KIAA1549L: variants seen among roughly 807,000 people sequenced by gnomAD.
The protein encoded by KIAA1549L is UPF0606 protein KIAA1549L.
Under a neutral mutation model 160.7 loss-of-function variants are expected in KIAA1549L, and 88 were observed. The observed-to-expected ratio is 0.55, with a 90% CI of 0.46 to 0.65. KIAA1549L has a LOEUF of 0.65. Ranked by LOEUF, KIAA1549L falls within the 30% of genes least tolerant of loss-of-function variation. The probability of loss-of-function intolerance (pLI) is 0.00; values close to 1 mark genes in which losing one functional copy is unlikely to be tolerated. For missense variants in KIAA1549L, 2,258 were observed against 2,437.5 expected (o/e 0.93, Z 1.55); for synonymous variants, 950 against 976.7 (o/e 0.97, Z 0.51).
intron 12 of KIAA1549L, among the ~76,000 whole-genome samples, chr11:33,593,546 C>T (rs566781077): frequency 1.3e-5 from 2 of 152,218 alleles, no homozygotes; most frequent in Non-Finnish European, 2.9e-5. Context: ...TACAAGGCTA[C>T]TGCCGTGACC....
chr11:33,447,497 TCTAC>T (rs1851636883), intron 1 of KIAA1549L, among the ~76,000 whole-genome samples: 1 of 22,896 alleles, frequency 4.4e-5, no homozygotes, highest in Admixed American at 6.3e-4. Context: ...CACCCACCCA[TCTAC>T]CTACCTACCC....
intron 16 of KIAA1549L, among the ~76,000 whole-genome samples, chr11:33,641,872 G>T (rs1345281151): frequency 6.6e-6 from 1 of 151,910 alleles, no homozygotes; most frequent in East Asian, 1.9e-4. Context: ...GCTATTATTG[G>T]TATTGTTATT....
chr11:33,668,276 T>C lies in KIAA1549L; in HGVS notation c.*122T>C. The stretch of plus-strand genomic sequence containing the variant: ...GTGAGTCTTTCTCACCCTCCATTTC[T>C]GAAAAGGTGAACTATGGGGCTTCTG... On this transcript the variant is annotated 3_prime_UTR_variant, in exon 21 of 21. Transcript: ENST00000658780. 1 of 903,046 alleles carries C rather than the reference T, an allele frequency of 1.1e-6. No homozygotes were observed. Among genetic ancestry groups the C allele is most frequent in the Non-Finnish European group, 1.7e-6 (1 of 600,916 alleles). 55.9% of individuals were successfully genotyped at this position (903,046 alleles called of 1,614,324 possible).
chr11:33,421,922 G>A (rs1239510125), intron 1 of KIAA1549L, among the ~76,000 whole-genome samples: 2 of 152,104 alleles, frequency 1.3e-5, no homozygotes, highest in African/African-American at 4.8e-5. Flanking sequence ...GATTTGAGGT[G>A]GGGTTTGAGA....
At chr11:33,383,036 T>C (rs1850103507) in intron 1 of KIAA1549L, among the ~76,000 whole-genome samples, 1 of 152,162 alleles carries the variant, frequency 6.6e-6, no homozygotes, top group Non-Finnish European at 1.5e-5. Context: ...CTTTTAACAC[T>C]GGCATAAAAT....
intron 1 of KIAA1549L, among the ~76,000 whole-genome samples, chr11:33,453,757 T>C (rs1055798291): frequency 6.6e-6 from 1 of 152,234 alleles, no homozygotes; most frequent in African/African-American, 2.4e-5. Context: ...ACCTAATCAT[T>C]GTCAAGCATC....
intron 1 of KIAA1549L, among the ~76,000 whole-genome samples, chr11:33,444,536 G>A (rs964354097): frequency 6.6e-6 from 1 of 152,188 alleles, no homozygotes; most frequent in African/African-American, 2.4e-5. Flanking sequence ...GAAGATGGGA[G>A]GAGAGACTTA....
intron 1 of KIAA1549L, among the ~76,000 whole-genome samples, chr11:33,520,450 T>C (rs1853455829): frequency 6.6e-6 from 1 of 152,028 alleles, no homozygotes; most frequent in Non-Finnish European, 1.5e-5. Flanking sequence ...AAAAGGTAGT[T>C]CATTGATTTT....
intron 9 of KIAA1549L, among the ~76,000 whole-genome samples, chr11:33,573,002 G>A (rs1222789323): frequency 6.6e-6 from 1 of 152,102 alleles, no homozygotes; most frequent in East Asian, 1.9e-4. Flanking sequence ...GGTATAGAGT[G>A]GTCTCTTGTG....
intron 12 of KIAA1549L, among the ~76,000 whole-genome samples, chr11:33,597,863 C>T (rs534185166): frequency 2.0e-3 from 301 of 152,314 alleles, no homozygotes; most frequent in Non-Finnish European, 3.2e-3. Context: ...TCGCCACTTT[C>T]CTACTATGTC....
intron 4 of KIAA1549L, among the ~76,000 whole-genome samples, chr11:33,549,392 G>T (rs541272759): frequency 6.6e-6 from 1 of 152,266 alleles, no homozygotes; most frequent in African/African-American, 2.4e-5. Context: ...AATTAGCAAG[G>T]GTTAGAGAGA....
intron 15 of KIAA1549L, among the ~76,000 whole-genome samples, chr11:33,612,645 G>C (rs1850677830): frequency 2.6e-5 from 4 of 151,524 alleles, no homozygotes; most frequent in Admixed American, 2.6e-4. Context: ...TACATGTGCA[G>C]GTTTGTTATA....
intron 4 of KIAA1549L, among the ~76,000 whole-genome samples, chr11:33,549,503 T>C (rs1854382433): frequency 6.6e-6 from 1 of 152,222 alleles, no homozygotes; most frequent in South Asian, 2.1e-4. Context: ...GTTGATTTAG[T>C]GTTGTCTTGT....
intron 8 of KIAA1549L, among the ~76,000 whole-genome samples, chr11:33,563,348 CAAA>C (rs68027285): frequency 7.5e-4 from 72 of 95,880 alleles, no homozygotes; most frequent in South Asian, 1.8e-3. Context: ...GACCGTGTCT[CAAA>C]AAAAAAAAAA....
chr11:33,427,860 A>G (rs1006080908), intron 1 of KIAA1549L, among the ~76,000 whole-genome samples: 1 of 152,224 alleles, frequency 6.6e-6, no homozygotes, highest in Admixed American at 6.5e-5. Flanking sequence ...TGTATATTTT[A>G]TATAATTAGA....
intron 17 of KIAA1549L, among the ~76,000 whole-genome samples, chr11:33,655,073 C>T (rs1225057240): frequency 6.6e-6 from 1 of 152,208 alleles, no homozygotes; most frequent in Non-Finnish European, 1.5e-5. Context: ...GAAGCTTTGT[C>T]TTCACAGAGA....
At chr11:33,477,757 C>T (rs924168011) in intron 1 of KIAA1549L, among the ~76,000 whole-genome samples, 1 of 152,024 alleles carries the variant, frequency 6.6e-6, no homozygotes, top group African/African-American at 2.4e-5. Context: ...GTGAGCTCCT[C>T]GAAGGACTGT....
intron 1 of KIAA1549L, among the ~76,000 whole-genome samples, chr11:33,417,502 G>A (rs1850911957): frequency 6.6e-6 from 1 of 152,140 alleles, no homozygotes; most frequent in Admixed American, 6.5e-5. Flanking sequence ...AAGAATAATT[G>A]CCTTGCATGA....
chr11:33,582,964 C>T (rs1855690542), intron 10 of KIAA1549L, among the ~76,000 whole-genome samples: 1 of 152,212 alleles, frequency 6.6e-6, no homozygotes, highest in African/African-American at 2.4e-5. Flanking sequence ...CTAATCTGCA[C>T]ATTTCTCAGC....
Sources: gnomAD v4.1 joint callset for allele counts (sites outside exome capture counted in the v4.1 genomes callset) on GRCh38, gnomAD v4.1.1 for gene constraint, MANE v1.5 for transcripts, NCBI Gene and HGNC (gene_info 2026-07-23, HGNC 2026-07-21) for gene names.